RSPH1: variants seen among roughly 807,000 people sequenced by gnomAD.
RSPH1 encodes radial spoke head 1 homolog.
In RSPH1, 32 loss-of-function variants were observed where a neutral mutation model predicts 44.2. The observed-to-expected ratio is 0.72, with a 90% CI of 0.55 to 0.97. The LOEUF (loss-of-function observed/expected upper bound fraction) is 0.97. Ranked by LOEUF, RSPH1 falls within the 50% of genes least tolerant of loss-of-function variation. The pLI is 0.00. For missense variants in RSPH1, 391 were observed against 398.7 expected, an observed-to-expected ratio of 0.98 and a Z score of 0.16; for synonymous variants, 134 against 147.3, an observed-to-expected ratio of 0.91 and a Z score of 0.65.
chr21:42,496,103 G>A (rs761237861), intron 1 of RSPH1, 30 bp downstream of exon 1: 1 of 1,613,468 alleles, frequency 6.2e-7, no homozygotes, highest in African/African-American at 1.3e-5. Context: ...TGCGCACCCT[G>A]GGAAGCCCTT....
At chr21:42,482,518 A>G (rs988563541) in intron 6 of RSPH1, 119 bp downstream of exon 6, 57 of 655,090 alleles carry the variant, frequency 8.7e-5, no homozygotes, top group Non-Finnish European at 4.0e-5. Flanking sequence ...TGAAAATGTG[A>G]AAGTGCCTAA....
At chr21:42,493,191 G>C (rs919941056) in intron 1 of RSPH1, 112 bp from the exon 2 acceptor site, 5 of 864,398 alleles carry the variant, frequency 5.8e-6, no homozygotes, top group Non-Finnish European at 9.2e-6. Context: ...CTAAACCCCC[G>C]GCACTATACT....
chr21:42,496,083 C>G lies in RSPH1; in HGVS notation c.54+50G>C. 3.1e-6 allele frequency: 5 copies of G among 1,606,658 alleles called. No individual in the cohort carries two copies. The South Asian group carries it at 5.5e-5, about 18-fold the overall frequency. On this transcript the variant is annotated intron_variant, in intron 1 of 8. Transcript: ENST00000291536. ...ACTCTCCAAACCCAACCTCGAGGTTCCCCCGCCGCTGCGCACCCTGGGAAG... is the reference window on the plus strand; with the variant it reads ...ACTCTCCAAACCCAACCTCGAGGTTGCCCCGCCGCTGCGCACCCTGGGAAG...
In RSPH1 at chr21:42,492,772, CCATCTGGATATATAA is replaced by C. The variant is rs1167221453; in HGVS notation, c.245_259del (p.Phe82_Gly87delinsTer). Reference sequence around the variant, plus strand: ...TAACATTTTACCTTCATATCTGGATCCATCTGGATATATAAAAGTGCCTTGACCGTGCTTTTTATT... The same window carrying C: ...TAACATTTTACCTTCATATCTGGATCAAGTGCCTTGACCGTGCTTTTTATT... On this transcript the variant is annotated stop_gained and inframe_deletion, in exon 3 of 9. Coordinates refer to ENST00000291536, the MANE Select transcript of RSPH1 (RefSeq NM_080860.4). LOFTEE classifies it high-confidence loss of function. The C allele has an allele frequency of 2.5e-6, 4 of 1,594,424 alleles. No homozygotes were observed. The highest frequency in any genetic ancestry group is 2.6e-6 in the Non-Finnish European group (3 of 1,162,672).
chr21:42,484,367 T>G (rs1237386380), intron 5 of RSPH1, among the ~76,000 whole-genome samples: 1 of 152,224 alleles, frequency 6.6e-6, no homozygotes, highest in Non-Finnish European at 1.5e-5. Context: ...GGTTTCACAA[T>G]TCCATTATCT....
chr21:42,489,393 T>C (rs1601634878), intron 3 of RSPH1, among the ~76,000 whole-genome samples: 1 of 152,190 alleles, frequency 6.6e-6, no homozygotes, highest in Admixed American at 6.5e-5. Flanking sequence ...GGTTGATTGG[T>C]TGGCTGTTTG....
At chr21:42,476,291 A>G (rs116753329) in intron 7 of RSPH1, among the ~76,000 whole-genome samples, 3 of 151,898 alleles carry the variant, frequency 2.0e-5, no homozygotes, top group Non-Finnish European at 4.4e-5. Context: ...TTCATTCCTG[A>G]GGGTGTTGAT....
At position 42,477,737 on chromosome 21, in the gene RSPH1, C is replaced by T. The variant is rs75049965; in HGVS notation, c.574-293G>A. 0.043 allele frequency among the ~76,000 whole-genome samples: 6,535 copies of T among 152,282 alleles called. 196 individuals carry two copies. The highest frequency in any genetic ancestry group is 0.092 in the Middle Eastern group (27 of 294). On this transcript the variant is annotated intron_variant, in intron 6 of 8. Coordinates refer to ENST00000291536, the MANE Select transcript of RSPH1 (RefSeq NM_080860.4). ...GGCTTTCAGATGAGCATGTCGCAGT[C>T]GCCTGCAATAGCTAAGACATGGCCA...
chr21:42,484,320 G>A (rs118149774), intron 5 of RSPH1, among the ~76,000 whole-genome samples: 1 of 152,254 alleles, frequency 6.6e-6, no homozygotes, highest in Non-Finnish European at 1.5e-5. Context: ...AGGAAAATGG[G>A]CACTACCGAT....
chr21:42,485,683 A>G lies in RSPH1; in HGVS notation c.487T>C (p.Phe163Leu). 6.2e-7 allele frequency: 1 copy of G among 1,614,176 alleles called. No homozygotes were observed. The highest frequency in any genetic ancestry group is 1.1e-5 in the South Asian group (1 of 91,082). Residue 163 changes from phenylalanine (F) to leucine (L), a missense_variant, in exon 5 of 9, where the codon TTC becomes CTC. Physicochemically the swap from Phe to Leu is conservative, Grantham distance 22 (BLOSUM62 0). Transcript: ENST00000291536. ...IHLNHRYQGK[F>L]LNKNPVGPGK... ...CATGGACTTACATTTTTGTTCAAGA[A>G]CTTGCCCTGGTACCTGTGGTTCAGG...
intron 4 of RSPH1, 92 bp from the exon 5 acceptor site, chr21:42,485,896 C>G: frequency 6.8e-7 from 1 of 1,469,932 alleles, no homozygotes; most frequent in Non-Finnish European, 9.4e-7. Context: ...GAGGGAGGCC[C>G]AGGCTGTTGC....
In RSPH1 at chr21:42,481,653, T is replaced by G. The variant is rs746250004; in HGVS notation, c.573+984A>C. Among the ~76,000 whole-genome samples, 32 of 152,142 alleles carry G rather than the reference T, an allele frequency of 2.1e-4. 1 individual carries two copies. Among genetic ancestry groups the G allele is most frequent in the Non-Finnish European group, 3.5e-4 (24 of 68,022 alleles). On this transcript the variant is annotated intron_variant, in intron 6 of 8. Coordinates refer to ENST00000291536, the MANE Select transcript of RSPH1 (RefSeq NM_080860.4). ...CCTTAAAACTCAAAACTTCTTACAG[T>G]GAGAATGACCTCATCTAAACAAATA...
chr21:42,484,855 G>A (rs1153363), intron 5 of RSPH1: 2 of 152,140 alleles, frequency 1.3e-5, no homozygotes, highest in East Asian at 1.9e-4. Context: ...TTTTGATGAA[G>A]ACTAAAAGTA....
chr21:42,485,438 G>T, intron 5 of RSPH1: 1 of 563,822 alleles, frequency 1.8e-6, no homozygotes, highest in Non-Finnish European at 3.2e-6. Flanking sequence ...AAGACAGTGG[G>T]AATTTGTACT....
intron 8 of RSPH1, among the ~76,000 whole-genome samples, chr21:42,473,909 C>G (rs962223167): frequency 1.3e-5 from 2 of 152,132 alleles, no homozygotes; most frequent in African/African-American, 4.8e-5. Flanking sequence ...CCCTGGAGCC[C>G]CAAAACCACT....
At chr21:42,478,770 T>A (rs933082313) in intron 6 of RSPH1, among the ~76,000 whole-genome samples, 1 of 152,218 alleles carries the variant, frequency 6.6e-6, no homozygotes, top group Non-Finnish European at 1.5e-5. Flanking sequence ...GCATTATTCA[T>A]AATAGCTAAA....
chr21:42,480,641 A>AG (rs1491475596), intron 6 of RSPH1, among the ~76,000 whole-genome samples: 1 of 55,790 alleles, frequency 1.8e-5, no homozygotes, highest in Non-Finnish European at 3.8e-5. Flanking sequence ...ACTCCATCTC[A>AG]AAAAAAAAAA....
At chr21:42,492,194 G>A (rs918808317) in intron 3 of RSPH1, among the ~76,000 whole-genome samples, 34 of 152,216 alleles carry the variant, frequency 2.2e-4, no homozygotes, top group African/African-American at 7.7e-4. Flanking sequence ...AGGTGACAAC[G>A]GCACAAGGGG....
At chr21:42,482,921 T>C (rs1163391007) in intron 5 of RSPH1, among the ~76,000 whole-genome samples, 1 of 152,222 alleles carries the variant, frequency 6.6e-6, no homozygotes, top group Non-Finnish European at 1.5e-5. Flanking sequence ...TTTTACTTTT[T>C]TATAAAAGTG....
Sources: gnomAD v4.1 joint callset for allele counts (sites outside exome capture counted in the v4.1 genomes callset) on GRCh38, gnomAD v4.1.1 for gene constraint, MANE v1.5 for transcripts, NCBI Gene and HGNC (gene_info 2026-07-23, HGNC 2026-07-21) for gene names.